MTMR7: variants seen among roughly 807,000 people sequenced by gnomAD.
MTMR7 encodes the protein myotubularin related protein 7, also known as phosphatidylinositol-3-phosphate phosphatase MTMR7.
In MTMR7, 76 loss-of-function variants were observed where a neutral mutation model predicts 81.2. That is an observed-to-expected ratio of 0.94 (90% CI 0.78 to 1.13). MTMR7 has a LOEUF of 1.13. Ranked by LOEUF, MTMR7 falls within the 50% of genes most tolerant of loss-of-function variation. The pLI, the probability that MTMR7 is intolerant of heterozygous loss-of-function variation, is 0.00. For synonymous variants in MTMR7, 372 were observed against 289.8 expected, an observed-to-expected ratio of 1.28 and a Z score of -2.88; for missense variants, 1,044 against 820.0, an observed-to-expected ratio of 1.27 and a Z score of -3.34.
chr8:17,306,989 C>A (rs1817495883), intron 10 of MTMR7, among the ~76,000 whole-genome samples: 1 of 152,194 alleles, frequency 6.6e-6, no homozygotes. Flanking sequence ...GCAAGGACTT[C>A]ATGTCTAAAA....
At chr8:17,303,536 T>G (rs1294084255) in intron 12 of MTMR7, among the ~76,000 whole-genome samples, 2 of 152,004 alleles carry the variant, frequency 1.3e-5, no homozygotes, top group African/African-American at 4.8e-5. Context: ...GGAAAAAACA[T>G]ACGTATCTAG....
At chr8:17,342,642 G>C (rs1418774666) in intron 5 of MTMR7, among the ~76,000 whole-genome samples, 2 of 152,132 alleles carry the variant, frequency 1.3e-5, no homozygotes, top group Non-Finnish European at 2.9e-5. Flanking sequence ...TGAAGTTGGA[G>C]AACCACAGAA....
chr8:17,342,019 G>C (rs17124427), intron 5 of MTMR7, among the ~76,000 whole-genome samples: 5,936 of 151,880 alleles, frequency 0.039, 416 homozygotes, highest in African/African-American at 0.14. Context: ...AGCCCAGGTT[G>C]CTGCTAGGTT....
chr8:17,371,003 G>T, intron 3 of MTMR7, 34 bp downstream of exon 3: 5 of 1,595,774 alleles, frequency 3.1e-6, no homozygotes, highest in Non-Finnish European at 4.3e-6. Flanking sequence ...TTTAAGAGAG[G>T]TTCCATATTA....
At chr8:17,398,751 G>A (rs1333598592) in intron 1 of MTMR7, among the ~76,000 whole-genome samples, 1 of 152,056 alleles carries the variant, frequency 6.6e-6, no homozygotes, top group African/African-American at 2.4e-5. Flanking sequence ...ATAAAAAATG[G>A]TAACTACAAC....
At chr8:17,344,297 G>C (rs956452803) in intron 5 of MTMR7, among the ~76,000 whole-genome samples, 3 of 152,128 alleles carry the variant, frequency 2.0e-5, no homozygotes, top group African/African-American at 7.2e-5. Flanking sequence ...AAATAGGTCA[G>C]GCAGCACAAT....
Position 17,390,748 on chromosome 8 carries a change from C to A in MTMR7, c.25-17508G>T, listed in dbSNP as rs193087875. Among the ~76,000 whole-genome samples, 5 of 152,224 alleles carry A rather than the reference C, an allele frequency of 3.3e-5. No individual in the cohort carries two copies. In the East Asian group the frequency reaches 9.7e-4, roughly 29 times the overall value. ...AAACACATCGTTCTTCACAAGGGAG[C>A]AGGAGAGAGAAGTACAGAATGAAAG... On this transcript the variant is annotated intron_variant, in intron 1 of 13. Transcript: ENST00000180173.
intron 3 of MTMR7, among the ~76,000 whole-genome samples, chr8:17,364,152 C>G (rs1026748164): frequency 2.0e-5 from 3 of 150,932 alleles, no homozygotes; most frequent in African/African-American, 7.3e-5. Context: ...GCCTCAGCCT[C>G]CGGAGTAGCT....
At chr8:17,366,410 A>T (rs944634190) in intron 3 of MTMR7, among the ~76,000 whole-genome samples, 1 of 152,244 alleles carries the variant, frequency 6.6e-6, no homozygotes, top group Non-Finnish European at 1.5e-5. Flanking sequence ...AAAGTATTTT[A>T]AAAATGAAAA....
At chr8:17,304,309 C>T in intron 12 of MTMR7, 70 bp downstream of exon 12, 4 of 1,546,448 alleles carry the variant, frequency 2.6e-6, no homozygotes, top group Non-Finnish European at 2.7e-6. Context: ...ACACTTTGAC[C>T]TCTGAATGTT....
At chr8:17,336,144 G>A (rs1247248157) in intron 6 of MTMR7, among the ~76,000 whole-genome samples, 2 of 152,164 alleles carry the variant, frequency 1.3e-5, no homozygotes, top group Non-Finnish European at 2.9e-5. Flanking sequence ...GTTTTTGGAG[G>A]TAGGGAGTAC....
At chr8:17,317,685 G>A (rs1474623664) in intron 7 of MTMR7, among the ~76,000 whole-genome samples, 3 of 152,126 alleles carry the variant, frequency 2.0e-5, no homozygotes, top group Admixed American at 6.6e-5. Flanking sequence ...GCAAACATTC[G>A]GCTACTACTC....
At position 17,298,975 on chromosome 8, in the gene MTMR7, G is replaced by T. The variant is rs543588827; in HGVS notation, c.*887C>A. The T allele has an allele frequency of 6.6e-6, 1 of 152,150 alleles. No individual in the cohort carries two copies. The highest frequency in any genetic ancestry group is 1.5e-5 in the Non-Finnish European group (1 of 68,012). The allele number at this position is 152,150 out of a possible 1,614,324, so 9.4% of individuals were successfully genotyped here. On this transcript the variant is annotated 3_prime_UTR_variant, in exon 14 of 14. Coordinates refer to ENST00000180173, the MANE Select transcript of MTMR7 (RefSeq NM_004686.5). ...ATGACAACCCAATTCTCTGGTTCTT[G>T]AAACTGGATTTTCACTCACAGATGT...
intron 6 of MTMR7, among the ~76,000 whole-genome samples, chr8:17,337,358 G>C (rs1470368192): frequency 9.5e-6 from 1 of 105,152 alleles, no homozygotes; most frequent in Non-Finnish European, 1.9e-5. Context: ...GTAAAACTCC[G>C]TCCCAAAAAA....
At chr8:17,366,514 G>A (rs191051239) in intron 3 of MTMR7, among the ~76,000 whole-genome samples, 76 of 152,302 alleles carry the variant, frequency 5.0e-4, no homozygotes, top group African/African-American at 1.8e-3. Context: ...AGAGATGTGA[G>A]CATTTTTTTT....
chr8:17,397,798 C>A (rs1019596183), intron 1 of MTMR7, among the ~76,000 whole-genome samples: 27 of 152,286 alleles, frequency 1.8e-4, no homozygotes, highest in Non-Finnish European at 3.1e-4. Flanking sequence ...TCAAGTCTGA[C>A]CCAGTGTAGT....
intron 2 of MTMR7, among the ~76,000 whole-genome samples, chr8:17,371,851 G>GTTTTTTTTTTTTTT (rs33920646): frequency 1.9e-5 from 2 of 104,818 alleles, no homozygotes; most frequent in Non-Finnish European, 3.9e-5. Context: ...CTTACCTATA[G>GTTTTTTTTTTTTTT]TTTTTTTTTT....
chr8:17,303,143 G>C (rs1042923847), intron 12 of MTMR7, among the ~76,000 whole-genome samples: 3 of 152,082 alleles, frequency 2.0e-5, no homozygotes, highest in Admixed American at 1.3e-4. Flanking sequence ...GCAAGGACTT[G>C]GTGTCATTGT....
At chr8:17,339,637 G>C (rs1236835439) in intron 6 of MTMR7, among the ~76,000 whole-genome samples, 2 of 152,024 alleles carry the variant, frequency 1.3e-5, no homozygotes, top group Non-Finnish European at 2.9e-5. Context: ...ACCATATTTT[G>C]TAAATCCATT....
Sources: gnomAD v4.1 joint callset for allele counts (sites outside exome capture counted in the v4.1 genomes callset) on GRCh38, gnomAD v4.1.1 for gene constraint, MANE v1.5 for transcripts, NCBI Gene and HGNC (gene_info 2026-07-23, HGNC 2026-07-21) for gene names.